The following CFAP58 variants were observed in gnomAD, a reference collection of about 807,000 sequenced individuals.
The protein encoded by CFAP58 is cilia and flagella associated protein 58.
Under a neutral mutation model 119.5 loss-of-function variants are expected in CFAP58, and 88 were observed. The ratio of observed to expected loss-of-function variants is 0.74; its 90% CI spans 0.62 to 0.88. CFAP58 has a LOEUF of 0.88. Ranked by LOEUF, CFAP58 falls within the 40% of genes least tolerant of loss-of-function variation. The pLI, the probability that CFAP58 is intolerant of heterozygous loss-of-function variation, is 0.00. For missense variants in CFAP58, 990 were observed against 1,021.2 expected (o/e 0.97, Z 0.42); for synonymous variants, 365 against 366.3 (o/e 1.00, Z 0.04).
chr10:104,420,665 G>T (rs1446364665), intron 15 of CFAP58, among the ~76,000 whole-genome samples: 1 of 151,786 alleles, frequency 6.6e-6, no homozygotes, highest in Non-Finnish European at 1.5e-5. Context: ...GAAAAAAAGA[G>T]TGGTTTTCAA....
At chr10:104,417,199 G>T (rs142049871) in intron 15 of CFAP58, among the ~76,000 whole-genome samples, 1 of 152,226 alleles carries the variant, frequency 6.6e-6, no homozygotes, top group Non-Finnish European at 1.5e-5. Context: ...GTGGGCCCAG[G>T]ATGGAACCCC....
chr10:104,362,085 G>T lies in CFAP58; in HGVS notation c.354G>T (p.Glu118Asp). The change falls in exon 3 of 18, where the codon GAG becomes GAT. Residue 118 changes from glutamate to aspartate, a missense_variant. Physicochemically the swap from Glu to Asp is conservative, Grantham distance 45. Transcript: ENST00000369704. ...SAYDKEQKAK[E>D]TILALKEEIV... is the part of the protein sequence containing the mutation. ...ATGACAAAGAGCAGAAGGCCAAGGA[G>T]ACGATTCTTGCTCTGAAAGAGGAAA... 6.2e-7 allele frequency: 1 copy of T among 1,614,150 alleles called. No homozygotes were observed. The highest frequency in any genetic ancestry group is 8.5e-7 in the Non-Finnish European group (1 of 1,179,998).
chr10:104,420,901 T>A (rs1197015109), intron 15 of CFAP58, among the ~76,000 whole-genome samples: 2 of 151,980 alleles, frequency 1.3e-5, no homozygotes, highest in Admixed American at 1.3e-4. Flanking sequence ...TACAGTCTTG[T>A]GCCCCCACAC....
intron 7 of CFAP58, among the ~76,000 whole-genome samples, chr10:104,373,904 A>G (rs2014855322): frequency 6.6e-6 from 1 of 152,184 alleles, no homozygotes; most frequent in South Asian, 2.1e-4. Flanking sequence ...AGGCCAGAAA[A>G]GACTCTCGAT....
chr10:104,360,050 T>C (rs904212012), intron 2 of CFAP58, among the ~76,000 whole-genome samples: 1 of 152,228 alleles, frequency 6.6e-6, no homozygotes, highest in Admixed American at 6.5e-5. Flanking sequence ...CCAAGAGTAA[T>C]CTGTCTAATG....
intron 11 of CFAP58, among the ~76,000 whole-genome samples, chr10:104,397,150 G>A (rs1376213264): frequency 6.6e-6 from 1 of 152,128 alleles, no homozygotes; most frequent in Admixed American, 6.6e-5. Flanking sequence ...TTGCACATCT[G>A]GGAAAATAAA....
intron 6 of CFAP58, among the ~76,000 whole-genome samples, chr10:104,369,874 A>T (rs959680971): frequency 2.0e-5 from 3 of 152,232 alleles, no homozygotes; most frequent in African/African-American, 4.8e-5. Context: ...GCAAAATTTT[A>T]AAAAAGTGAA....
At chr10:104,357,819 A>ACG (rs1491265788) in intron 1 of CFAP58, among the ~76,000 whole-genome samples, 4 of 147,708 alleles carry the variant, frequency 2.7e-5, no homozygotes, top group African/African-American at 1.0e-4. Context: ...ATATATGTAC[A>ACG]TATATACACA....
chr10:104,414,842 T>C (rs1460836050), intron 15 of CFAP58, among the ~76,000 whole-genome samples: 2 of 152,092 alleles, frequency 1.3e-5, no homozygotes, highest in Admixed American at 1.3e-4. Context: ...GCTAATTTTT[T>C]TTGTATTTTT....
chr10:104,431,748 T>G (rs2012851000), intron 15 of CFAP58, among the ~76,000 whole-genome samples: 1 of 152,218 alleles, frequency 6.6e-6, no homozygotes, highest in East Asian at 1.9e-4. Flanking sequence ...TCCTTCAGTA[T>G]ATTTTTGTGC....
At chr10:104,378,400 A>G (rs2011712631) in intron 8 of CFAP58, among the ~76,000 whole-genome samples, 2 of 152,222 alleles carry the variant, frequency 1.3e-5, no homozygotes. Flanking sequence ...CACCCAACCA[A>G]CATTTAATAG....
At chr10:104,426,805 G>C (rs189289319) in intron 15 of CFAP58, among the ~76,000 whole-genome samples, 8 of 152,104 alleles carry the variant, frequency 5.3e-5, no homozygotes, top group Non-Finnish European at 1.0e-4. Context: ...ATACTAAATA[G>C]CTTCTCAGTT....
Position 104,447,828 on chromosome 10 carries a change from GC to G in CFAP58, c.2376+15del. 6.2e-7 allele frequency: 1 copy of G among 1,600,896 alleles called. No individual in the cohort carries two copies. ...AAGCAGCAGCTGAAAGTAAGTGGTA[GC>G]CCCTGTTCCTTCCGGGTTCCAGGGC... On this transcript the variant is annotated intron_variant, in intron 16 of 17. Coordinates refer to ENST00000369704, the MANE Select transcript of CFAP58 (RefSeq NM_001008723.2).
chr10:104,358,102 C>CTTATATATACACATATATATGTACTT lies in CFAP58; in HGVS notation c.10-239_10-238insTTATATATACACATATATATGTACTT, dbSNP rs10624333. Among the ~76,000 whole-genome samples the CTTATATATACACATATATATGTACTT allele has an allele frequency of 5.5e-5, 8 of 146,378 alleles. 1 individual carries two copies. The highest frequency in any genetic ancestry group is 7.7e-5 in the African/African-American group (3 of 38,740). On this transcript the variant is annotated intron_variant, in intron 1 of 17. Transcript: ENST00000369704. ...ATATATATACACACATATATATGTA[C>CTTATATATACACATATATATGTACTT]ATATATACACATATATATGTACTTA...
At chr10:104,422,261 A>G (rs2012671928) in intron 15 of CFAP58, among the ~76,000 whole-genome samples, 1 of 152,276 alleles carries the variant, frequency 6.6e-6, no homozygotes, top group South Asian at 2.1e-4. Flanking sequence ...ACATAGCTTG[A>G]CTCAGCATTT....
intron 9 of CFAP58, among the ~76,000 whole-genome samples, chr10:104,387,882 A>C (rs1232425617): frequency 6.6e-6 from 1 of 152,166 alleles, no homozygotes; most frequent in Non-Finnish European, 1.5e-5. Context: ...CTAACAACAA[A>C]TTTCCTAGCT....
At chr10:104,385,852 C>G (rs2011911453) in intron 9 of CFAP58, among the ~76,000 whole-genome samples, 1 of 152,102 alleles carries the variant, frequency 6.6e-6, no homozygotes, top group Non-Finnish European at 1.5e-5. Context: ...TAGACTTGCC[C>G]TAGAGGAAAG....
At chr10:104,375,576 A>T (rs1297092276) in intron 7 of CFAP58, among the ~76,000 whole-genome samples, 2 of 152,106 alleles carry the variant, frequency 1.3e-5, no homozygotes, top group Non-Finnish European at 2.9e-5. Flanking sequence ...AACTCTGTAA[A>T]ATATTTTAAG....
chr10:104,414,751 G>A (rs191063014), intron 15 of CFAP58, among the ~76,000 whole-genome samples: 814 of 152,176 alleles, frequency 5.3e-3, no homozygotes, highest in Non-Finnish European at 8.3e-3. Flanking sequence ...CTCACTGCAA[G>A]CTCCGCCTCC....
Sources: allele counts gnomAD v4.1 joint callset (sites outside exome capture counted in the v4.1 genomes callset), GRCh38; gene constraint gnomAD v4.1.1; transcripts MANE v1.5; gene names NCBI Gene and HGNC (gene_info 2026-07-23, HGNC 2026-07-21).